C7orf57: variants seen among roughly 807,000 people sequenced by gnomAD.
C7orf57 encodes the protein chromosome 7 open reading frame 57, also known as uncharacterized protein C7orf57.
In C7orf57, 33 loss-of-function variants were observed where a neutral mutation model predicts 39.0. The observed-to-expected ratio is 0.85, with a 90% confidence interval of 0.64 to 1.13. C7orf57 has a LOEUF of 1.13. Among genes scored for constraint, C7orf57 ranks in the 50% most tolerant of loss-of-function variants. The pLI, the probability that C7orf57 is intolerant of heterozygous loss-of-function variation, is 0.00. For missense variants in C7orf57, 346 were observed against 362.3 expected (o/e 0.95, Z 0.37); for synonymous variants, 124 against 137.1 (o/e 0.90, Z 0.67).
At position 48,061,056 on chromosome 7, in the gene C7orf57, G is replaced by T. The variant is rs1471711138; in HGVS notation, c.*784G>T. 6.6e-6 allele frequency: 1 copy of T among 152,036 alleles called. No individual in the cohort carries two copies. Among genetic ancestry groups the T allele is most frequent in the Non-Finnish European group, 1.5e-5 (1 of 67,986 alleles). The allele number at this position is 152,036 out of a possible 1,614,324, so 9.4% of individuals were successfully genotyped here. ...TTGATTAATAAAATAATAATTTTAT[G>T]TGAGAATGTTTTCAAAAAGCCAAAT... On this transcript the variant is annotated 3_prime_UTR_variant, in exon 9 of 9. Coordinates refer to ENST00000348904, the MANE Select transcript of C7orf57 (RefSeq NM_001100159.3).
intron 8 of C7orf57, among the ~76,000 whole-genome samples, chr7:48,056,007 G>A (rs956536326): frequency 2.0e-5 from 3 of 152,102 alleles, no homozygotes; most frequent in South Asian, 4.1e-4. Context: ...TATATCATAC[G>A]AGAATTCGAT....
In C7orf57 at chr7:48,052,783, A is replaced by G. The variant is rs778188664; in HGVS notation, c.689A>G (p.Gln230Arg). 1 of 1,614,056 alleles carries G rather than the reference A, an allele frequency of 6.2e-7. No homozygotes were observed. The highest frequency in any genetic ancestry group is 1.1e-5 in the South Asian group (1 of 91,088). The stretch of plus-strand genomic sequence containing the variant: ...AAGGATGAGTGGTTGCAGCAGCAGC[A>G]GCGAGCTGACTCAGACAAGAGGACC... Reference protein sequence around the residue: ...GYKDEWLQQQQRADSDKRTPK... With the variant: ...GYKDEWLQQQRRADSDKRTPK... The change falls in exon 7 of 9, where the codon CAG becomes CGG. Residue 230 changes from glutamine (Q) to arginine (R), a missense_variant. Gln to Arg is a conservative substitution (Grantham distance 43, BLOSUM62 1). Transcript: ENST00000348904.
chr7:48,048,253 T>G (rs895085777), intron 5 of C7orf57, among the ~76,000 whole-genome samples: 1 of 152,190 alleles, frequency 6.6e-6, no homozygotes, highest in Non-Finnish European at 1.5e-5. Context: ...ATTTCCCTAA[T>G]AAGACAACAC....
intron 8 of C7orf57, among the ~76,000 whole-genome samples, chr7:48,055,269 ACAT>A (rs1386644970): frequency 2.6e-5 from 4 of 152,200 alleles, no homozygotes; most frequent in Admixed American, 6.5e-5. Flanking sequence ...ATACTGGAAA[ACAT>A]AAGTAAAAAG....
intron 4 of C7orf57, among the ~76,000 whole-genome samples, chr7:48,044,933 C>T (rs1790670450): frequency 6.6e-6 from 1 of 152,180 alleles, no homozygotes; most frequent in Admixed American, 6.5e-5. Context: ...AAATATATTT[C>T]CAAGTGGTTA....
intron 5 of C7orf57, among the ~76,000 whole-genome samples, chr7:48,049,334 C>T (rs1159172995): frequency 2.6e-5 from 4 of 152,146 alleles, no homozygotes; most frequent in Non-Finnish European, 2.9e-5. Flanking sequence ...TGGAATCATA[C>T]GGCATGGCGT....
intron 2 of C7orf57, 70 bp downstream of exon 2, chr7:48,036,433 G>A: frequency 7.1e-7 from 1 of 1,403,590 alleles, no homozygotes; most frequent in South Asian, 1.4e-5. Context: ...TAGACACGCT[G>A]TGGACCCAAC....
chr7:48,055,989 G>A (rs1313359497), intron 8 of C7orf57, among the ~76,000 whole-genome samples: 1 of 152,120 alleles, frequency 6.6e-6, no homozygotes, highest in Non-Finnish European at 1.5e-5. Flanking sequence ...GCCCAGCAGT[G>A]GGATTGCTAT....
At chr7:48,044,704 A>G (rs899268459) in intron 4 of C7orf57, among the ~76,000 whole-genome samples, 1 of 152,232 alleles carries the variant, frequency 6.6e-6, no homozygotes, top group African/African-American at 2.4e-5. Context: ...GACAAAAGGC[A>G]CTAGGTAAAG....
At chr7:48,039,300 T>C (rs1251670478) in intron 2 of C7orf57, among the ~76,000 whole-genome samples, 1 of 152,250 alleles carries the variant, frequency 6.6e-6, no homozygotes, top group East Asian at 1.9e-4. Flanking sequence ...CAATTTGGTC[T>C]CTGACTGCCA....
intron 7 of C7orf57, among the ~76,000 whole-genome samples, 176 bp from the exon 8 acceptor site, chr7:48,054,412 CAAAAAAA>C (rs35256733): frequency 1.2e-5 from 1 of 86,552 alleles, no homozygotes; most frequent in Non-Finnish European, 2.3e-5. Context: ...GAAACTCTCT[CAAAAAAA>C]AAAAAAAAAA....
chr7:48,041,436 A>C lies in C7orf57; in HGVS notation c.158A>C (p.Glu53Ala), dbSNP rs761595651. The change falls in exon 3 of 9, where the codon GAG becomes GCG. Residue 53 changes from glutamate (E) to alanine (A), a missense_variant. Glu to Ala is a moderately radical substitution (Grantham distance 107). Transcript: ENST00000348904. ...AGCAATTTGGGAGACTCACACAGCG[A>C]GAACCTGCCTGGGACTCGGAGATAC... ...GLSNLGDSHSENLPGTRRYWI... is the reference protein window; with the variant it reads ...GLSNLGDSHSANLPGTRRYWI... 3.7e-6 allele frequency: 6 copies of C among 1,614,000 alleles called. No individual in the cohort carries two copies. The South Asian group carries it at 6.6e-5, about 18-fold the overall frequency.
At chr7:48,050,778 T>C (rs1450847742) in intron 6 of C7orf57, among the ~76,000 whole-genome samples, 2 of 152,178 alleles carry the variant, frequency 1.3e-5, no homozygotes, top group African/African-American at 2.4e-5. Context: ...CAAGAAATCC[T>C]CCCACCTCAG....
At chr7:48,044,216 G>A (rs997716532) in intron 4 of C7orf57, among the ~76,000 whole-genome samples, 48 of 152,136 alleles carry the variant, frequency 3.2e-4, no homozygotes, top group African/African-American at 1.0e-3. Flanking sequence ...GGAAATTAGC[G>A]GCGGGTCTGC....
chr7:48,053,004 C>T (rs17547209), intron 7 of C7orf57, 81 bp downstream of exon 7: 378,481 of 1,117,242 alleles, frequency 0.34, 67,442 homozygotes, highest in Middle Eastern at 0.53. Flanking sequence ...TCACATGATG[C>T]GTCTCGTAAT....
intron 7 of C7orf57, chr7:48,053,191 T>C: frequency 1.8e-6 from 1 of 551,878 alleles, no homozygotes; most frequent in Non-Finnish European, 3.3e-6. Context: ...ATAGTCCATT[T>C]GATATAACAA....
intron 2 of C7orf57, among the ~76,000 whole-genome samples, chr7:48,040,034 C>T (rs536284415): frequency 1.3e-5 from 2 of 152,248 alleles, no homozygotes; most frequent in South Asian, 4.2e-4. Context: ...TGTCTGAGTG[C>T]CCCAGATCTC....
chr7:48,039,127 G>A (rs1790471447), intron 2 of C7orf57, among the ~76,000 whole-genome samples: 1 of 152,164 alleles, frequency 6.6e-6, no homozygotes, highest in African/African-American at 2.4e-5. Context: ...GAAAAGAGCT[G>A]GAAAAGGAAG....
chr7:48,036,378 A>AG lies in C7orf57; in HGVS notation c.55+16dup. ...CGCTCCCTGCGGTGAGTGCGCCCTG[A>AG]GCGCGTCCCGGCCAGAAAGAGCTGG... On this transcript the variant is annotated intron_variant, in intron 2 of 8. Transcript: ENST00000348904. 1 of 1,563,796 alleles carries AG rather than the reference A, an allele frequency of 6.4e-7. No homozygotes were observed. The highest frequency in any genetic ancestry group is 8.7e-7 in the Non-Finnish European group (1 of 1,155,648).
Sources: allele counts gnomAD v4.1 joint callset (sites outside exome capture counted in the v4.1 genomes callset), GRCh38; gene constraint gnomAD v4.1.1; transcripts MANE v1.5; gene names NCBI Gene and HGNC (gene_info 2026-07-23, HGNC 2026-07-21).